The following SHANK1 variants were observed in gnomAD, a reference collection of about 807,000 sequenced individuals.
SHANK1 encodes SH3 and multiple ankyrin repeat domains protein 1.
A neutral mutation model predicts 165.6 loss-of-function variants in SHANK1; 35 were observed. The observed-to-expected ratio is 0.21, with a 90% CI of 0.16 to 0.28. SHANK1 has a LOEUF of 0.28. Ranked by LOEUF, SHANK1 falls within the 10% of genes least tolerant of loss-of-function variation. The probability of loss-of-function intolerance (pLI) is 1.00; values close to 1 mark genes in which losing one functional copy is unlikely to be tolerated. For missense variants in SHANK1, 2,681 were observed against 3,036.4 expected (o/e 0.88, Z 2.75); for synonymous variants, 1,428 against 1,384.8 (o/e 1.03, Z -0.69).
chr19:50,707,798 T>G (rs1391031122), intron 8 of SHANK1, among the ~76,000 whole-genome samples: 1 of 152,128 alleles, frequency 6.6e-6, no homozygotes, highest in Non-Finnish European at 1.5e-5. Flanking sequence ...TGGGAGTGTG[T>G]GTGTGCATGT....
intron 15 of SHANK1, among the ~76,000 whole-genome samples, chr19:50,695,508 G>T (rs1986710572): frequency 6.6e-6 from 1 of 151,402 alleles, no homozygotes; most frequent in African/African-American, 2.4e-5. Flanking sequence ...GGCACTTCCG[G>T]TCTGGGCCCC....
At chr19:50,707,067 C>T (rs930815199) in intron 8 of SHANK1, among the ~76,000 whole-genome samples, 3 of 152,228 alleles carry the variant, frequency 2.0e-5, no homozygotes, top group Admixed American at 1.3e-4. Flanking sequence ...CATGAGCCAC[C>T]GTGCTCAACC....
rs774770529 is a variant in SHANK1, at chr19:50,668,331, G to T, written c.3629C>A (p.Ser1210Tyr). ...PAPAMSPVPP[S>Y]PSPVPTPASP... is the part of the protein sequence containing the mutation. ...GGCGGGGGTGGGCACGGGCGAGGGG[G>T]ACGGGGGCACGGGTGACATGGCCGG... Residue 1210 changes from serine to tyrosine, a missense_variant, in exon 23 of 24, where the codon TCC becomes TAC. Coordinates refer to ENST00000293441, the MANE Select transcript of SHANK1 (RefSeq NM_016148.5). 303 of 1,265,782 alleles carry T rather than the reference G, an allele frequency of 2.4e-4. No individual in the cohort carries two copies. The Middle Eastern group carries it at 4.3e-3, about 18-fold the overall frequency. 78.4% of individuals were successfully genotyped at this position (1,265,782 alleles called of 1,614,324 possible).
chr19:50,715,111 C>T (rs528917023), intron 4 of SHANK1, among the ~76,000 whole-genome samples: 3 of 152,112 alleles, frequency 2.0e-5, no homozygotes, highest in South Asian at 2.1e-4. Context: ...AAGCAGTTCC[C>T]GATTTCCTCC....
rs1318835618 is a variant in SHANK1, at chr19:50,697,887, T to A, written c.1817A>T (p.Asp606Val). The A allele has an allele frequency of 1.9e-6, 3 of 1,614,150 alleles. No homozygotes were observed. The South Asian group carries it at 3.3e-5, about 18-fold the overall frequency. The change falls in exon 13 of 24, where the codon GAC becomes GTC. Residue 606 changes from aspartate to valine, a missense_variant. Asp to Val is a radical substitution (Grantham distance 152). Coordinates refer to ENST00000293441, the MANE Select transcript of SHANK1 (RefSeq NM_016148.5). The surrounding 1 kb of genome is among the most constrained non-coding windows in gnomAD (Gnocchi z 4.7). The part of the protein sequence containing the change: ...VKGRVGWFPS[D>V]CLEEVANRSQ... ...GCGATTCGCCACTTCTTCCAGGCAG[T>A]CAGAGGGGAACCAGCCAACACGACC...
intron 8 of SHANK1, among the ~76,000 whole-genome samples, chr19:50,707,517 C>G (rs1356473771): frequency 6.6e-6 from 1 of 151,832 alleles, no homozygotes; most frequent in African/African-American, 2.4e-5. Context: ...GGCCACACAA[C>G]CAGTTAGTGG....
intron 21 of SHANK1, among the ~76,000 whole-genome samples, chr19:50,672,970 A>G (rs1249150259): frequency 1.3e-5 from 2 of 152,086 alleles, no homozygotes; most frequent in Non-Finnish European, 2.9e-5. Flanking sequence ...CTCCCCCTGG[A>G]TGCAGCATCC....
In SHANK1 at chr19:50,687,920, C is replaced by A. The variant is rs369256963; in HGVS notation, c.2308+3G>T. On this transcript the variant is annotated splice_donor_region_variant and intron_variant, in intron 18 of 23. Transcript: ENST00000293441. The stretch of plus-strand genomic sequence containing the variant: ...GTGGCTGCGAGAGTGGCCGCAGGAG[C>A]ACCTTTCTTGTGCACTGCCTCATCC... The A allele has an allele frequency of 1.3e-5, 21 of 1,613,940 alleles. No homozygotes were observed. The highest frequency in any genetic ancestry group is 1.8e-5 in the Non-Finnish European group (21 of 1,179,916).
chr19:50,693,461 A>C (rs963380322), intron 15 of SHANK1, among the ~76,000 whole-genome samples: 1 of 150,272 alleles, frequency 6.7e-6, no homozygotes, highest in Non-Finnish European at 1.5e-5. Flanking sequence ...AGCCCACACA[A>C]TGCTTTTCCC....
In SHANK1 at chr19:50,662,568, T is replaced by C. The variant is rs916794348; in HGVS notation, c.5883A>G (p.Thr1961=). ...PLPTGTGVSP[T]AAAAPGATSP... ...AGGTGGCCCCTGGGGCCGCAGCGGCTGTAGGGGAGACCCCTGTTCCGGTGG... is the reference window on the plus strand; with the variant it reads ...AGGTGGCCCCTGGGGCCGCAGCGGCCGTAGGGGAGACCCCTGTTCCGGTGG... The change falls in exon 24 of 24, where the codon ACA becomes ACG. Residue 1961 remains threonine (T), a synonymous_variant. Coordinates refer to ENST00000293441, the MANE Select transcript of SHANK1 (RefSeq NM_016148.5). This position sits in a 1 kb window ranked among gnomAD's most constrained non-coding sequence, Gnocchi z 7.7. 6.4e-7 allele frequency: 1 copy of C among 1,563,024 alleles called. No homozygotes were observed. The highest frequency in any genetic ancestry group is 1.4e-5 in the African/African-American group (1 of 73,668).
intron 12 of SHANK1, among the ~76,000 whole-genome samples, chr19:50,701,643 A>G (rs965106435): frequency 6.6e-6 from 1 of 152,128 alleles, no homozygotes; most frequent in Non-Finnish European, 1.5e-5. Context: ...TCACCCTGCT[A>G]GGAAGTGGTG....
rs773302975 is a variant in SHANK1, at chr19:50,662,596, A to C, written c.5855T>G (p.Leu1952Arg). ...QNWPKPPLPP[L>R]PTGTGVSPTA... ...AGGGGAGACCCCTGTTCCGGTGGGG[A>C]GTGGCGGCAGAGGTGGTTTGGGCCA... The change falls in exon 24 of 24, where the codon CTC (leucine) becomes CGC (arginine). Residue 1952 changes from leucine (L) to arginine (R), a missense_variant. By Grantham distance (102) the Leu-to-Arg change is moderately radical. Transcript: ENST00000293441. The surrounding 1 kb of genome is among the most constrained non-coding windows in gnomAD (Gnocchi z 7.7). 9 of 1,562,764 alleles carry C rather than the reference A, an allele frequency of 5.8e-6. No homozygotes were observed. The Admixed American group carries it at 1.5e-4, about 27-fold the overall frequency.
chr19:50,683,161 A>G (rs994562644), intron 21 of SHANK1, among the ~76,000 whole-genome samples: 3 of 152,136 alleles, frequency 2.0e-5, no homozygotes, highest in African/African-American at 7.2e-5. Context: ...AGAATGATAC[A>G]GGGCAGTGGT....
In SHANK1 at chr19:50,690,797, C is replaced by T. The variant is rs1474845547; in HGVS notation, c.1965-1518G>A. ...ATCTCAGTGTATTCCCATAACACGC[C>T]CTCTGAACACATACATCCCAGCAAA... is the stretch of plus-strand genomic sequence containing the variant. On this transcript the variant is annotated intron_variant, in intron 15 of 23. Transcript: ENST00000293441. The surrounding 1 kb of genome is among the most constrained non-coding windows in gnomAD (Gnocchi z 4.9). Among the ~76,000 whole-genome samples, 3 of 152,090 alleles carry T rather than the reference C, an allele frequency of 2.0e-5. No homozygotes were observed. Among genetic ancestry groups the T allele is most frequent in the Non-Finnish European group, 4.4e-5 (3 of 68,018 alleles).
intron 8 of SHANK1, among the ~76,000 whole-genome samples, chr19:50,705,816 T>C (rs1458863476): frequency 1.3e-5 from 2 of 152,116 alleles, no homozygotes; most frequent in Non-Finnish European, 2.9e-5. Context: ...TTCCAGGACA[T>C]GGAAATTGTC....
Position 50,667,569 on chromosome 19 carries a change from GT to G in SHANK1, c.4390del (p.Thr1464ArgfsTer10). ...GVGPLLLQLG[T>X]EPPAPHPGVS... ...TCCGGGGTGCGGGGCCGGGGGCTCC[GT>G]CCCCAGCTGCAGCAGGAGGGGCCCC... On this transcript the variant is annotated frameshift_variant, in exon 23 of 24. Transcript: ENST00000293441. LOFTEE classifies it high-confidence loss of function. This position sits in a 1 kb window ranked among gnomAD's most constrained non-coding sequence, Gnocchi z 5.7. 1 of 1,448,598 alleles carries G rather than the reference GT, an allele frequency of 6.9e-7. No homozygotes were observed. The allele number at this position is 1,448,598 out of a possible 1,614,324, so 89.7% of individuals were successfully genotyped here.
chr19:50,684,787 AG>A (rs1357495712), intron 21 of SHANK1, among the ~76,000 whole-genome samples: 1 of 152,220 alleles, frequency 6.6e-6, no homozygotes, highest in Non-Finnish European at 1.5e-5. Context: ...TTCCCAAAAT[AG>A]TGTTTATGCG....
Position 50,666,578 on chromosome 19 carries a change from G to C in SHANK1, c.5382C>G (p.Thr1794=). 6.2e-7 allele frequency: 1 copy of C among 1,600,010 alleles called. No individual in the cohort carries two copies. Among genetic ancestry groups the C allele is most frequent in the Non-Finnish European group, 8.5e-7 (1 of 1,175,294 alleles). Residue 1794 remains threonine, a synonymous_variant, in exon 23 of 24, where the codon ACC becomes ACG. Transcript: ENST00000293441. ...AAGCACGCAGGGCCAGCAGCCCATC[G>C]GTTCCAGCCCCTGTCACCGAGACGG... ...SPTVSVTGAG[T]DGLLALRACS...
chr19:50,714,960 A>G (rs1323591366), intron 4 of SHANK1, among the ~76,000 whole-genome samples: 2 of 152,176 alleles, frequency 1.3e-5, no homozygotes, highest in Non-Finnish European at 2.9e-5. Flanking sequence ...AGTGGTTCCC[A>G]AAGTGGACCG....
Sources: gnomAD v4.1 joint callset for allele counts (sites outside exome capture counted in the v4.1 genomes callset) on GRCh38, gnomAD v4.1.1 for gene constraint, Gnocchi (gnomAD v3.1) non-coding constraint, MANE v1.5 for transcripts, NCBI Gene and HGNC (gene_info 2026-07-23, HGNC 2026-07-21) for gene names.